The following MYBL1 variants were observed in gnomAD, a reference collection of about 807,000 sequenced individuals.
MYBL1 encodes the protein MYB proto-oncogene like 1, also known as myb-related protein A.
MYBL1 carries 17 observed loss-of-function variants against 96.3 expected under a neutral mutation model. The observed-to-expected ratio is 0.18, with a 90% CI of 0.12 to 0.26. MYBL1 has a LOEUF of 0.26. MYBL1 is among the 10% of genes least tolerant of loss of function. The pLI, the probability that MYBL1 is intolerant of heterozygous loss-of-function variation, is 1.00. For synonymous variants in MYBL1, 282 were observed against 292.7 expected (o/e 0.96, Z 0.37); for missense variants, 701 against 882.9 (o/e 0.79, Z 2.61).
At chr8:66,593,234 C>T (rs1213669137) in intron 6 of MYBL1, 40 bp from the exon 7 acceptor site, 15 of 1,279,202 alleles carry the variant, frequency 1.2e-5, no homozygotes, top group Non-Finnish European at 1.4e-5. Context: ...ACATATAATG[C>T]TATAAATGTT....
chr8:66,567,317 T>A (rs908789367), intron 12 of MYBL1, among the ~76,000 whole-genome samples: 2 of 152,176 alleles, frequency 1.3e-5, no homozygotes, highest in Non-Finnish European at 2.9e-5. Flanking sequence ...TTTTTTTACA[T>A]AAAAACAGGA....
Position 66,566,807 on chromosome 8 carries a change from G to A in MYBL1, c.1846-19C>T. 1 of 1,591,826 alleles carries A rather than the reference G, an allele frequency of 6.3e-7. No homozygotes were observed. Among genetic ancestry groups the A allele is most frequent in the Non-Finnish European group, 8.6e-7 (1 of 1,161,086 alleles). On this transcript the variant is annotated intron_variant, in intron 13 of 15. Transcript: ENST00000522677. ...CGGTATTCTAGAATGAGTAATTTAT[G>A]TAGAAGCTTTATGGCAAAGTCTCTT... is the stretch of plus-strand genomic sequence containing the variant.
At chr8:66,607,839 A>G (rs571926574) in intron 1 of MYBL1, among the ~76,000 whole-genome samples, 1 of 152,334 alleles carries the variant, frequency 6.6e-6, no homozygotes, top group Non-Finnish European at 1.5e-5. Context: ...AAATGCCACC[A>G]GCAACATTAC....
At chr8:66,573,213 TCAAA>T (rs1808803880) in intron 11 of MYBL1, 147 bp downstream of exon 11, 1 of 750,400 alleles carries the variant, frequency 1.3e-6, no homozygotes, top group Admixed American at 3.8e-5. Context: ...AAATTCCATC[TCAAA>T]CAAACAAAAC....
intron 1 of MYBL1, among the ~76,000 whole-genome samples, chr8:66,603,431 G>A (rs1225809903): frequency 2.0e-5 from 3 of 150,268 alleles, no homozygotes; most frequent in Non-Finnish European, 4.4e-5. Context: ...GGTACAGTAA[G>A]TGACAAGACA....
intron 10 of MYBL1, among the ~76,000 whole-genome samples, chr8:66,574,099 C>T (rs948630146): frequency 2.0e-5 from 3 of 152,074 alleles, no homozygotes; most frequent in African/African-American, 7.2e-5. Context: ...TTGTGAAATA[C>T]TAATTTATTT....
Position 66,563,296 on chromosome 8 carries a change from A to G in MYBL1, c.*1401T>C, listed in dbSNP as rs1377583764. On this transcript the variant is annotated 3_prime_UTR_variant, in exon 16 of 16. Coordinates refer to ENST00000522677, the MANE Select transcript of MYBL1 (RefSeq NM_001080416.4). ...GAGTGGAGAGGGAGAGAGTGTGTCA[A>G]TTATAAATAATTCAAACTACAGTGT... The G allele has an allele frequency of 6.6e-6, 1 of 152,552 alleles. No individual in the cohort carries two copies. Among genetic ancestry groups the G allele is most frequent in the Non-Finnish European group, 1.5e-5 (1 of 68,018 alleles). 9.4% of individuals were successfully genotyped at this position (152,552 alleles called of 1,614,324 possible).
intron 3 of MYBL1, among the ~76,000 whole-genome samples, chr8:66,599,413 GC>G (rs1809978438): frequency 6.6e-6 from 1 of 152,114 alleles, no homozygotes; most frequent in African/African-American, 2.4e-5. Flanking sequence ...TACAGAAGCA[GC>G]AAAGATAAAA....
intron 4 of MYBL1, 32 bp downstream of exon 4, chr8:66,599,018 C>A (rs369692572): frequency 2.3e-4 from 317 of 1,394,536 alleles, no homozygotes; most frequent in Non-Finnish European, 2.8e-4. Flanking sequence ...AGTCTACCTA[C>A]ATAGTGAATA....
At position 66,572,019 on chromosome 8, in the gene MYBL1, G is replaced by T. The variant is rs1808749292; in HGVS notation, c.1728+463C>A. 1.4e-5 allele frequency among the ~76,000 whole-genome samples: 2 copies of T among 147,606 alleles called. 1 individual carries two copies. Among genetic ancestry groups the T allele is most frequent in the South Asian group, 4.4e-4 (2 of 4,510 alleles). On this transcript the variant is annotated intron_variant, in intron 12 of 15. Transcript: ENST00000522677. ...AAAAGGTGAACACAAATTCAAACTT[G>T]AAAATTAGGCCAGGTGTGGTGGCTC...
intron 12 of MYBL1, among the ~76,000 whole-genome samples, chr8:66,567,225 C>CT (rs1242857822): frequency 6.6e-6 from 1 of 152,130 alleles, no homozygotes; most frequent in Non-Finnish European, 1.5e-5. Flanking sequence ...AAAAATCTTC[C>CT]TTTTGGGGAA....
At chr8:66,612,120 G>C (rs568412303) in intron 1 of MYBL1, 1 of 152,188 alleles carries the variant, frequency 6.6e-6, no homozygotes, top group African/African-American at 2.4e-5. Flanking sequence ...GGTACGGTCA[G>C]AGCCAAACAC....
At chr8:66,576,687 C>T (rs977432605) in intron 9 of MYBL1, among the ~76,000 whole-genome samples, 1 of 152,190 alleles carries the variant, frequency 6.6e-6, no homozygotes, top group African/African-American at 2.4e-5. Context: ...TAAAACTTCA[C>T]ATTCTACTGC....
At chr8:66,610,002 C>A (rs1810467652) in intron 1 of MYBL1, among the ~76,000 whole-genome samples, 1 of 151,966 alleles carries the variant, frequency 6.6e-6, no homozygotes, top group African/African-American at 2.4e-5. Context: ...AAAACATCTT[C>A]TATTTCAAGA....
At chr8:66,604,497 C>G (rs549596222) in intron 1 of MYBL1, among the ~76,000 whole-genome samples, 1 of 150,844 alleles carries the variant, frequency 6.6e-6, no homozygotes, top group African/African-American at 2.4e-5. Context: ...ACCAAGAGAA[C>G]CTCCATTTCA....
Position 66,612,862 on chromosome 8 carries a change from G to A in MYBL1, c.-24C>T. ...ATCCTTCAAGTACCGCATAGGAGCAGGCTGGGCGGGGACGCGGGTCAGCCT... is the reference window on the plus strand; with the variant it reads ...ATCCTTCAAGTACCGCATAGGAGCAAGCTGGGCGGGGACGCGGGTCAGCCT... On this transcript the variant is annotated 5_prime_UTR_variant, in exon 1 of 16. Coordinates refer to ENST00000522677, the MANE Select transcript of MYBL1 (RefSeq NM_001080416.4). 7.4e-7 allele frequency: 1 copy of A among 1,352,794 alleles called. No individual in the cohort carries two copies. Among genetic ancestry groups the A allele is most frequent in the South Asian group, 2.2e-5 (1 of 45,726 alleles). The allele number at this position is 1,352,794 out of a possible 1,614,324, so 83.8% of individuals were successfully genotyped here.
chr8:66,606,965 AT>A (rs1454919897), intron 1 of MYBL1, among the ~76,000 whole-genome samples: 2 of 151,672 alleles, frequency 1.3e-5, no homozygotes, highest in South Asian at 2.1e-4. Context: ...TAATTTTTGA[AT>A]TTTTTTCGTA....
At chr8:66,589,367 C>A (rs2129910228) in intron 8 of MYBL1, among the ~76,000 whole-genome samples, 1 of 151,556 alleles carries the variant, frequency 6.6e-6, no homozygotes, top group South Asian at 2.1e-4. Flanking sequence ...GGCTGAAGTG[C>A]AGTGATATGA....
intron 12 of MYBL1, among the ~76,000 whole-genome samples, chr8:66,567,456 G>A (rs1428144339): frequency 6.6e-6 from 1 of 151,892 alleles, no homozygotes; most frequent in East Asian, 1.9e-4. Context: ...CAATGGTCAG[G>A]TCATTTTCAT....
Sources: allele counts gnomAD v4.1 joint callset (sites outside exome capture counted in the v4.1 genomes callset), GRCh38; gene constraint gnomAD v4.1.1; transcripts MANE v1.5; gene names NCBI Gene and HGNC (gene_info 2026-07-23, HGNC 2026-07-21).